The following MYO1B variants were observed in gnomAD, a reference collection of about 807,000 sequenced individuals.
The protein encoded by MYO1B is unconventional myosin-Ib.
A neutral mutation model predicts 159.7 loss-of-function variants in MYO1B; 72 were observed. The ratio of observed to expected loss-of-function variants is 0.45; its 90% CI spans 0.37 to 0.55. The LOEUF (loss-of-function observed/expected upper bound fraction) is 0.55, where lower values mean the gene tolerates loss of function less well. MYO1B is among the 20% of genes least tolerant of loss of function. The pLI, the probability that MYO1B is intolerant of heterozygous loss-of-function variation, is 0.00. For missense variants in MYO1B, 1,062 were observed against 1,364.8 expected, an observed-to-expected ratio of 0.78 and a Z score of 3.50; for synonymous variants, 468 against 473.8, an observed-to-expected ratio of 0.99 and a Z score of 0.16.
At chr2:191,264,990 C>A (rs1016213560) in intron 1 of MYO1B, among the ~76,000 whole-genome samples, 5 of 151,956 alleles carry the variant, frequency 3.3e-5, no homozygotes, top group African/African-American at 9.7e-5. Context: ...GCTGGGCCTG[C>A]AACTTGGATC....
chr2:191,378,938 TATAATTA>T (rs749527563), intron 13 of MYO1B, among the ~76,000 whole-genome samples: 2 of 152,194 alleles, frequency 1.3e-5, no homozygotes, highest in Non-Finnish European at 2.9e-5. Context: ...CCTGATAATT[TATAATTA>T]GAAGCATTGG....
intron 3 of MYO1B, among the ~76,000 whole-genome samples, chr2:191,316,735 G>GCTCC (rs1690375128): frequency 6.6e-6 from 1 of 152,128 alleles, no homozygotes; most frequent in Admixed American, 6.5e-5. Context: ...CATATAGAAA[G>GCTCC]CTCCAGTGAG....
intron 30 of MYO1B, among the ~76,000 whole-genome samples, chr2:191,422,100 A>G (rs2126200804): frequency 6.6e-6 from 1 of 152,370 alleles, no homozygotes; most frequent in East Asian, 1.9e-4. Context: ...TAATGGATAC[A>G]GAGCAGAGCT....
intron 2 of MYO1B, among the ~76,000 whole-genome samples, chr2:191,282,839 C>T (rs746010765): frequency 3.9e-5 from 6 of 152,184 alleles, no homozygotes; most frequent in Non-Finnish European, 7.3e-5. Context: ...GATCCCAGCC[C>T]TGTTAACATG....
intron 11 of MYO1B, among the ~76,000 whole-genome samples, chr2:191,368,560 T>G (rs1455718910): frequency 6.6e-6 from 1 of 152,238 alleles, no homozygotes; most frequent in Non-Finnish European, 1.5e-5. Context: ...GCATATGTCT[T>G]CTGCCTCTTT....
chr2:191,400,972 A>G, intron 23 of MYO1B, 137 bp downstream of exon 23: 1 of 753,154 alleles, frequency 1.3e-6, no homozygotes, highest in Non-Finnish European at 2.1e-6. Context: ...CAGATTTAAC[A>G]CACCTGGAAA....
chr2:191,283,595 G>A (rs1480615826), intron 2 of MYO1B, among the ~76,000 whole-genome samples: 1 of 152,184 alleles, frequency 6.6e-6, no homozygotes, highest in South Asian at 2.1e-4. Flanking sequence ...TGTACTATAG[G>A]TTTTTAAATT....
chr2:191,249,291 C>G (rs183649903), intron 1 of MYO1B, among the ~76,000 whole-genome samples: 1 of 152,206 alleles, frequency 6.6e-6, no homozygotes, highest in Non-Finnish European at 1.5e-5. Flanking sequence ...TGGAAACACT[C>G]GCAGCAGCAG....
chr2:191,356,776 G>A (rs550398462), intron 7 of MYO1B, among the ~76,000 whole-genome samples: 3 of 152,312 alleles, frequency 2.0e-5, no homozygotes, highest in South Asian at 2.1e-4. Context: ...ATTCATGAAC[G>A]AACTTTCAAT....
intron 17 of MYO1B, chr2:191,387,688 C>T: frequency 1.8e-6 from 1 of 552,188 alleles, no homozygotes. Context: ...TAATGAAACT[C>T]AGTGGTTGAG....
intron 1 of MYO1B, among the ~76,000 whole-genome samples, chr2:191,247,421 G>T (rs1029717903): frequency 3.3e-5 from 5 of 152,184 alleles, no homozygotes; most frequent in African/African-American, 9.6e-5. Flanking sequence ...TAATGGAAAA[G>T]AGCTGTATAA....
At chr2:191,343,606 A>G (rs953637699) in intron 5 of MYO1B, among the ~76,000 whole-genome samples, 2 of 151,954 alleles carry the variant, frequency 1.3e-5, no homozygotes, top group Non-Finnish European at 2.9e-5. Context: ...CTTTTTGTTT[A>G]TTGTCTTTTG....
intron 3 of MYO1B, among the ~76,000 whole-genome samples, chr2:191,297,294 T>C (rs527885423): frequency 2.0e-5 from 3 of 152,352 alleles, no homozygotes; most frequent in South Asian, 2.1e-4. Context: ...CACGTACTTA[T>C]GATTGTCAGT....
chr2:191,411,026 T>C lies in MYO1B; in HGVS notation c.2767-40T>C, dbSNP rs62181230. 317 of 1,133,296 alleles carry C rather than the reference T, an allele frequency of 2.8e-4. 1 individual carries two copies. Among genetic ancestry groups the C allele is most frequent in the Non-Finnish European group, 3.9e-4 (298 of 770,668 alleles). 70.2% of individuals were successfully genotyped at this position (1,133,296 alleles called of 1,614,324 possible). On this transcript the variant is annotated intron_variant, in intron 26 of 30. Coordinates refer to ENST00000392318, the MANE Select transcript of MYO1B (RefSeq NM_001130158.3). ...TTAAGAATGAGTAATAATTTATTTA[T>C]ATAAATGATGTTTTGTTTCTTTCTT...
intron 18 of MYO1B, among the ~76,000 whole-genome samples, chr2:191,391,278 T>A (rs923063355): frequency 6.6e-6 from 1 of 152,204 alleles, no homozygotes; most frequent in Non-Finnish European, 1.5e-5. Context: ...AATGGGCGAT[T>A]TTCATTTAAC....
At chr2:191,360,753 GTT>G (rs1491226441) in intron 8 of MYO1B, 24 bp downstream of exon 8, 71 of 852,406 alleles carry the variant, frequency 8.3e-5, no homozygotes, top group Admixed American at 2.8e-4. Context: ...TCTATGTGGT[GTT>G]GTTGTTGTTG....
intron 3 of MYO1B, among the ~76,000 whole-genome samples, chr2:191,313,876 TG>T (rs1340862583): frequency 3.3e-5 from 5 of 152,312 alleles, no homozygotes; most frequent in African/African-American, 1.2e-4. Context: ...AGATCTTCAT[TG>T]GCCAGTGCAT....
At chr2:191,419,547 G>A (rs969470204) in intron 30 of MYO1B, among the ~76,000 whole-genome samples, 14 of 152,254 alleles carry the variant, frequency 9.2e-5, no homozygotes, top group Admixed American at 7.8e-4. Flanking sequence ...TTATTTTAGC[G>A]TGTATGCCTA....
chr2:191,377,375 G>A (rs1429490751), intron 13 of MYO1B: 2 of 152,210 alleles, frequency 1.3e-5, no homozygotes, highest in African/African-American at 4.8e-5. Context: ...CATACTTGGA[G>A]CATGGGTGGA....
Sources: gnomAD v4.1 joint callset for allele counts (sites outside exome capture counted in the v4.1 genomes callset) on GRCh38, gnomAD v4.1.1 for gene constraint, MANE v1.5 for transcripts, NCBI Gene and HGNC (gene_info 2026-07-23, HGNC 2026-07-21) for gene names.